Variants in ABCB4 observed in about 807,000 individuals in gnomAD.
ABCB4 encodes ATP binding cassette subfamily B member 4, also known as phosphatidylcholine translocator ABCB4.
A neutral mutation model predicts 145.7 loss-of-function variants in ABCB4; 76 were observed. The observed-to-expected ratio is 0.52, with a 90% confidence interval of 0.43 to 0.63. ABCB4 has a LOEUF of 0.63. Among genes scored for constraint, ABCB4 ranks in the 30% least tolerant of loss-of-function variants. ABCB4 has a pLI of 0.00. For missense variants in ABCB4, 1,234 were observed against 1,553.1 expected, an observed-to-expected ratio of 0.79 and a Z score of 3.45; for synonymous variants, 517 against 566.8, an observed-to-expected ratio of 0.91 and a Z score of 1.25.
chr7:87,446,121 C>A (rs1811329945), intron 9 of ABCB4, among the ~76,000 whole-genome samples: 1 of 152,092 alleles, frequency 6.6e-6, no homozygotes, highest in Non-Finnish European at 1.5e-5. Flanking sequence ...GAGGGCTCAC[C>A]AAGTCGAACA....
At chr7:87,445,234 C>G (rs1194515003) in intron 9 of ABCB4, among the ~76,000 whole-genome samples, 1 of 152,124 alleles carries the variant, frequency 6.6e-6, no homozygotes, top group African/African-American at 2.4e-5. Context: ...CATTGACTCA[C>G]TCACAAATGC....
chr7:87,468,660 C>T (rs1233809811), intron 3 of ABCB4, among the ~76,000 whole-genome samples: 9 of 152,114 alleles, frequency 5.9e-5, no homozygotes, highest in Admixed American at 1.3e-4. Flanking sequence ...ACCGTGGGCG[C>T]GGTGGCTCAC....
the ABCB4 span, among the ~76,000 whole-genome samples, chr7:87,384,511 G>A: frequency 2.6e-5 from 4 of 152,280 alleles, no homozygotes; most frequent in East Asian, 7.7e-4. Flanking sequence ...CAGCCTGGGC[G>A]ACAGAGCAAG....
chr7:87,451,253 G>A (rs1216002093), intron 7 of ABCB4, among the ~76,000 whole-genome samples: 1 of 151,582 alleles, frequency 6.6e-6, no homozygotes, highest in Non-Finnish European at 1.5e-5. Context: ...TCCTGTCTCA[G>A]CCTCCCAAGT....
chr7:87,375,696 A>G, the ABCB4 span: 3 of 1,613,466 alleles, frequency 1.9e-6, no homozygotes, highest in Non-Finnish European at 2.5e-6. Flanking sequence ...TGCAGCATTA[A>G]CTAGTGAGGA....
chr7:87,447,037 C>A lies in ABCB4; in HGVS notation c.1002G>T (p.Met334Ile). 1 of 1,611,982 alleles carries A rather than the reference C, an allele frequency of 6.2e-7. No individual in the cohort carries two copies. ...ISKEYTIGNA[M>I]TVFFSILIGA... ...AAATGTTAGGAGAACTACTTACTGT[C>A]ATTGCATTTCCAATAGTATATTCTT... Residue 334 changes from methionine to isoleucine, a missense_variant, in exon 9 of 28, where the codon ATG becomes ATT. This residue lies in a region of ABCB4 where 467 missense variants were observed against 632.8 expected (regional missense o/e 0.74). Transcript: ENST00000649586.
In ABCB4 at chr7:87,451,662, G is replaced by C. The variant is rs143889862; in HGVS notation, c.669C>G (p.Ile223Met). Residue 223 changes from isoleucine to methionine, a missense_variant, in exon 7 of 28, where the codon ATC (isoleucine) becomes ATG (methionine). Ile to Met is a conservative substitution (Grantham distance 10, BLOSUM62 1). Transcript: ENST00000649586. ...GWKLTLVIMA[I>M]SPILGLSAAV... ...CTGCAGAGAGTCCTAGAATAGGGCT[G>C]ATGGCCATTATCACAAGGGTGAGCT... 55 of 1,614,028 alleles carry C rather than the reference G, an allele frequency of 3.4e-5. No individual in the cohort carries two copies. Among genetic ancestry groups the C allele is most frequent in the Non-Finnish European group, 4.2e-5 (50 of 1,180,032 alleles).
At chr7:87,419,813 A>C (rs10264044) in intron 19 of ABCB4, among the ~76,000 whole-genome samples, 185 bp downstream of exon 19, 20 of 151,890 alleles carry the variant, frequency 1.3e-4, no homozygotes, top group Non-Finnish European at 2.1e-4. Flanking sequence ...CAAAAAAAAA[A>C]CAAAAAAAAC....
chr7:87,470,247 A>C (rs1813265206), intron 3 of ABCB4, among the ~76,000 whole-genome samples: 2 of 152,230 alleles, frequency 1.3e-5, no homozygotes, highest in Non-Finnish European at 2.9e-5. Flanking sequence ...TACATGTTAG[A>C]CCTAAAACCA....
At chr7:87,415,387 T>C (rs1016596697) in intron 21 of ABCB4, among the ~76,000 whole-genome samples, 1 of 152,220 alleles carries the variant, frequency 6.6e-6, no homozygotes, top group Non-Finnish European at 1.5e-5. Flanking sequence ...TTTCCGACTC[T>C]TAAGCAAGTG....
Position 87,467,627 on chromosome 7 carries a change from T to C in ABCB4, c.136-4719A>G, listed in dbSNP as rs138302742. On this transcript the variant is annotated intron_variant, in intron 3 of 27. Transcript: ENST00000649586. ...GCACCACACTGCACTTACTCCAAAATTGACCACGTAGTTGGAAGTAAAGCA... is the reference window on the plus strand; with the variant it reads ...GCACCACACTGCACTTACTCCAAAACTGACCACGTAGTTGGAAGTAAAGCA... 6.0e-3 allele frequency among the ~76,000 whole-genome samples: 907 copies of C among 152,276 alleles called. 9 individuals carry two copies. The highest frequency in any genetic ancestry group is 0.019 in the African/African-American group (771 of 41,538).
the ABCB4 span, among the ~76,000 whole-genome samples, chr7:87,370,132 A>G: frequency 4.6e-5 from 7 of 152,188 alleles, no homozygotes; most frequent in Non-Finnish European, 7.3e-5. Flanking sequence ...TCTAAAATAG[A>G]AGGACTCTTA....
chr7:87,424,593 CTG>C (rs1809681490), intron 16 of ABCB4, among the ~76,000 whole-genome samples: 1 of 152,202 alleles, frequency 6.6e-6, no homozygotes, highest in Non-Finnish European at 1.5e-5. Context: ...CTTGCCTTTT[CTG>C]TACCATATTT....
In ABCB4 at chr7:87,443,669, G is replaced by A. The variant is rs113000168; in HGVS notation, c.1224C>T (p.Asn408=). The A allele has an allele frequency of 2.5e-6, 4 of 1,612,658 alleles. No homozygotes were observed. The highest frequency in any genetic ancestry group is 1.1e-5 in the South Asian group (1 of 91,050). Residue 408 remains asparagine (N), a synonymous_variant, in exon 11 of 28, where the codon AAC becomes AAT. Transcript: ENST00000649586. ...TAAATATTACTTACAGTACCTTGAC[G>A]TTAGCTCGAGAAGGGTAAGAAAAGT... ...DVHFSYPSRA[N]VKILKGLNLK...
rs781681125 is a variant in ABCB4, at chr7:87,418,633, A to G, written c.2395-13T>C. 2.2e-5 allele frequency: 35 copies of G among 1,610,690 alleles called. No homozygotes were observed. The highest frequency in any genetic ancestry group is 3.0e-5 in the Non-Finnish European group (35 of 1,176,904). Reference sequence around the variant, plus strand: ...ACCAGCTCATGTCCTATGGCATAAAATACACGTTTATGTTAGTTCAAAATT... The same window carrying G: ...ACCAGCTCATGTCCTATGGCATAAAGTACACGTTTATGTTAGTTCAAAATT... On this transcript the variant is annotated splice_polypyrimidine_tract_variant and intron_variant, in intron 19 of 27. Coordinates refer to ENST00000649586, the MANE Select transcript of ABCB4 (RefSeq NM_000443.4).
At chr7:87,438,276 A>G (rs557917311) in intron 14 of ABCB4, among the ~76,000 whole-genome samples, 20 of 152,296 alleles carry the variant, frequency 1.3e-4, no homozygotes, top group Middle Eastern at 6.8e-3. Flanking sequence ...GTATTACTTT[A>G]TGATGTACTG....
At chr7:87,451,958 C>T in intron 6 of ABCB4, 164 bp from the exon 7 acceptor site, 1 of 692,702 alleles carries the variant, frequency 1.4e-6, no homozygotes, top group Non-Finnish European at 2.6e-6. Flanking sequence ...AAACACCGCA[C>T]AAAGGAAGAA....
At chr7:87,429,952 A>G (rs565565182) in intron 15 of ABCB4, among the ~76,000 whole-genome samples, 5 of 151,742 alleles carry the variant, frequency 3.3e-5, no homozygotes, top group Admixed American at 2.0e-4. Context: ...TAAAAATATA[A>G]TTAACATATC....
At chr7:87,441,340 T>G (rs1810972027) in intron 12 of ABCB4, among the ~76,000 whole-genome samples, 1 of 152,186 alleles carries the variant, frequency 6.6e-6, no homozygotes, top group East Asian at 1.9e-4. Flanking sequence ...TTTTATCATT[T>G]TAATCTGTTT....
Sources: gnomAD v4.1 joint callset for allele counts (sites outside exome capture counted in the v4.1 genomes callset) on GRCh38, gnomAD v4.1.1 for gene constraint, gnomAD v4.1.1 regional missense constraint, MANE v1.5 for transcripts, NCBI Gene and HGNC (gene_info 2026-07-23, HGNC 2026-07-21) for gene names.